The following RARB variants were observed in gnomAD, a reference collection of about 807,000 sequenced individuals.
RARB encodes the protein retinoic acid receptor beta.
RARB carries 17 observed loss-of-function variants against 51.9 expected under a neutral mutation model. The observed-to-expected ratio is 0.33, with a 90% CI of 0.22 to 0.49. The LOEUF (loss-of-function observed/expected upper bound fraction) is 0.49. Among genes scored for constraint, RARB ranks in the 20% least tolerant of loss-of-function variants. The pLI is 0.99. For synonymous variants in RARB, 215 were observed against 195.4 expected (o/e 1.10, Z -0.84); for missense variants, 369 against 550.8 (o/e 0.67, Z 3.30).
At chr3:25,577,037 A>T (rs1046048705) in intron 4 of RARB, among the ~76,000 whole-genome samples, 1 of 152,200 alleles carries the variant, frequency 6.6e-6, no homozygotes, top group Non-Finnish European at 1.5e-5. Flanking sequence ...CAGAGATTCC[A>T]ATAAGGAGGG....
At chr3:25,292,879 A>C (rs1703823348) in intron 5 of RARB, among the ~76,000 whole-genome samples, 1 of 152,200 alleles carries the variant, frequency 6.6e-6, no homozygotes, top group Admixed American at 6.5e-5. Context: ...CTTTTGCCTT[A>C]GTGTCAGCCT....
At chr3:24,881,993 C>T (rs1703176000) in intron 2 of RARB, among the ~76,000 whole-genome samples, 1 of 152,026 alleles carries the variant, frequency 6.6e-6, no homozygotes, top group Non-Finnish European at 1.5e-5. Flanking sequence ...CCACATGACT[C>T]AGCTATAGAT....
chr3:24,955,862 C>A (rs1357495540), intron 2 of RARB, among the ~76,000 whole-genome samples: 3 of 152,116 alleles, frequency 2.0e-5, no homozygotes, highest in African/African-American at 7.2e-5. Flanking sequence ...CCTGGCCGAT[C>A]TCTTAGTGTT....
chr3:25,063,725 T>TTA (rs780431198), intron 3 of RARB, among the ~76,000 whole-genome samples: 8 of 149,436 alleles, frequency 5.4e-5, no homozygotes, highest in East Asian at 2.0e-4. Context: ...TTTTTTTTTT[T>TTA]AAAAAGATGA....
At chr3:25,578,474 T>A (rs1252088150) in intron 4 of RARB, among the ~76,000 whole-genome samples, 1 of 152,216 alleles carries the variant, frequency 6.6e-6, no homozygotes, top group Non-Finnish European at 1.5e-5. Flanking sequence ...GTCGGGGCAA[T>A]GTCTTTTTTT....
At position 25,109,277 on chromosome 3, in the gene RARB, C is replaced by A. The variant is rs73047728; in HGVS notation, c.-327-22884C>A. ...GATTGAAGATGTTAATTGACTTAAC[C>A]TTTGCATTTTTTGGTTTTCAACACC... On this transcript the variant is annotated intron_variant, in intron 3 of 11. Transcript: ENST00000383772. Among the ~76,000 whole-genome samples, 1,199 of 152,044 alleles carry A rather than the reference C, an allele frequency of 7.9e-3. 3 individuals are homozygous for A. The highest frequency in any genetic ancestry group is 0.024 in the Middle Eastern group (7 of 294).
At chr3:25,459,586 C>A (rs1261383309) in intron 1 of RARB, among the ~76,000 whole-genome samples, 3 of 152,106 alleles carry the variant, frequency 2.0e-5, no homozygotes, top group African/African-American at 7.2e-5. Context: ...CATGAAGTGA[C>A]CAATGAAGAA....
upstream of RARB, among the ~76,000 whole-genome samples, chr3:25,424,234 A>G (rs569715953): frequency 7.0e-4 from 107 of 152,326 alleles, no homozygotes; most frequent in African/African-American, 2.5e-3. Context: ...CCACCTTGCA[A>G]GTTCATTTGG....
chr3:25,535,061 T>C (rs1699082550), intron 3 of RARB, among the ~76,000 whole-genome samples: 1 of 152,132 alleles, frequency 6.6e-6, no homozygotes, highest in African/African-American at 2.4e-5. Context: ...GAGGAGAAAG[T>C]AGTCAGGTTT....
intron 3 of RARB, among the ~76,000 whole-genome samples, chr3:25,103,025 C>G (rs911149166): frequency 6.6e-6 from 1 of 152,128 alleles, no homozygotes; most frequent in Non-Finnish European, 1.5e-5. Flanking sequence ...ACTAGAACTG[C>G]TAGACTAGAG....
At chr3:25,504,914 C>T (rs1007693527) in intron 3 of RARB, among the ~76,000 whole-genome samples, 7 of 151,864 alleles carry the variant, frequency 4.6e-5, no homozygotes, top group African/African-American at 2.4e-5. Flanking sequence ...CCTGCCACCA[C>T]GCCCGGCTAA....
At chr3:25,040,256 A>G (rs887195035) in intron 2 of RARB, among the ~76,000 whole-genome samples, 2 of 152,230 alleles carry the variant, frequency 1.3e-5, no homozygotes, top group African/African-American at 2.4e-5. Context: ...TCAGTTTTGC[A>G]CTTGGCCTTT....
At chr3:24,998,028 G>A (rs754536344) in intron 2 of RARB, among the ~76,000 whole-genome samples, 2 of 152,058 alleles carry the variant, frequency 1.3e-5, no homozygotes, top group African/African-American at 2.4e-5. Flanking sequence ...GTCCAACTCA[G>A]TGTAGTTACC....
chr3:25,554,755 A>T (rs914749509), intron 3 of RARB, among the ~76,000 whole-genome samples: 3 of 152,176 alleles, frequency 2.0e-5, no homozygotes, highest in Admixed American at 6.5e-5. Flanking sequence ...TTTCTTTCTT[A>T]CTTTGAGGGC....
At chr3:25,469,103 G>A (rs770894955) in intron 2 of RARB, among the ~76,000 whole-genome samples, 5 of 152,206 alleles carry the variant, frequency 3.3e-5, no homozygotes, top group African/African-American at 4.8e-5. Flanking sequence ...TTTCTCATCT[G>A]CCTTTGTTTT....
chr3:25,004,862 T>C (rs952244414), intron 2 of RARB, among the ~76,000 whole-genome samples: 1 of 152,198 alleles, frequency 6.6e-6, no homozygotes, highest in African/African-American at 2.4e-5. Flanking sequence ...AAAATTCTAC[T>C]GCTGTGTATC....
rs1170778158 is a variant in RARB at position 24,962,536 on chromosome 3, A to AG, written c.-379-97587dup. Among the ~76,000 whole-genome samples, 4 of 152,182 alleles carry AG rather than the reference A, an allele frequency of 2.6e-5. No homozygotes were observed. The East Asian group carries it at 5.8e-4, about 22-fold the overall frequency. Reference sequence around the variant, plus strand: ...AGACCGATACCAGTCCATGGCCTTTAGGAACTAGGCCGCACAGCAGGAGTT... The same window carrying AG: ...AGACCGATACCAGTCCATGGCCTTTAGGGAACTAGGCCGCACAGCAGGAGTT... On this transcript the variant is annotated intron_variant, in intron 2 of 11. Transcript: ENST00000383772.
intron 5 of RARB, among the ~76,000 whole-genome samples, chr3:25,235,057 G>A (rs1028747959): frequency 1.3e-5 from 2 of 152,154 alleles, no homozygotes; most frequent in Non-Finnish European, 2.9e-5. Context: ...AGAAATAGGA[G>A]TTTCTATCAG....
At chr3:25,198,386 C>G (rs1269555336) in intron 5 of RARB, among the ~76,000 whole-genome samples, 2 of 151,932 alleles carry the variant, frequency 1.3e-5, no homozygotes, top group African/African-American at 4.8e-5. Flanking sequence ...GAGCAATACC[C>G]TACAAGCACT....
Sources: gnomAD v4.1 joint callset for allele counts (sites outside exome capture counted in the v4.1 genomes callset) on GRCh38, gnomAD v4.1.1 for gene constraint, MANE v1.5 for transcripts, NCBI Gene and HGNC (gene_info 2026-07-23, HGNC 2026-07-21) for gene names.